The following SLC25A30 variants were observed in gnomAD, a reference collection of about 807,000 sequenced individuals.
SLC25A30 encodes the protein solute carrier family 25 member 30.
In SLC25A30, 29 loss-of-function variants were observed where a neutral mutation model predicts 42.7. The observed-to-expected ratio is 0.68, with a 90% CI of 0.51 to 0.93. The LOEUF (loss-of-function observed/expected upper bound fraction) is 0.93, where lower values mean the gene tolerates loss of function less well. SLC25A30 is among the 40% of genes least tolerant of loss of function. The pLI is 0.00. For synonymous variants in SLC25A30, 124 were observed against 131.0 expected (o/e 0.95, Z 0.37); for missense variants, 300 against 359.7 (o/e 0.83, Z 1.34).
intron 1 of SLC25A30, among the ~76,000 whole-genome samples, chr13:45,414,056 A>G (rs2137692121): frequency 6.6e-6 from 1 of 152,324 alleles, no homozygotes; most frequent in East Asian, 1.9e-4. Flanking sequence ...ATTCAGAAGT[A>G]CCACCAATAA....
At chr13:45,409,948 C>T (rs1882857337) in intron 2 of SLC25A30, among the ~76,000 whole-genome samples, 1 of 152,250 alleles carries the variant, frequency 6.6e-6, no homozygotes, top group East Asian at 1.9e-4. Context: ...CCCACCAGCA[C>T]AGAGAGCCTA....
At chr13:45,423,775 T>TAA in the SLC25A30 span, among the ~76,000 whole-genome samples, 456 of 58,530 alleles carry the variant, frequency 7.8e-3, 48 homozygotes, top group Non-Finnish European at 8.5e-3. Context: ...TAAAAATATA[T>TAA]AAATATATAA....
chr13:45,425,865 G>T, the SLC25A30 span, among the ~76,000 whole-genome samples: 3 of 146,002 alleles, frequency 2.1e-5, no homozygotes, highest in Admixed American at 2.1e-4. Context: ...GGTAATTTTT[G>T]TATTTTTAGT....
At chr13:45,424,907 T>TATATATTTAAATATATATAA in the SLC25A30 span, among the ~76,000 whole-genome samples, 12 of 60,122 alleles carry the variant, frequency 2.0e-4, no homozygotes, top group African/African-American at 8.3e-4. Flanking sequence ...TATATATAAA[T>TATATATTTAAATATATATAA]ATATATAAAT....
chr13:45,425,264 A>T, the SLC25A30 span, among the ~76,000 whole-genome samples: 1 of 105,488 alleles, frequency 9.5e-6, no homozygotes, highest in Non-Finnish European at 1.7e-5. Context: ...ATACGTATAT[A>T]TACGTATACA....
chr13:45,403,484 A>C (rs1369863777), intron 5 of SLC25A30, among the ~76,000 whole-genome samples: 1 of 152,218 alleles, frequency 6.6e-6, no homozygotes, highest in Non-Finnish European at 1.5e-5. Flanking sequence ...TTCAAAAAGT[A>C]AGTCATTCCT....
rs143559848 is a variant in SLC25A30 at position 45,397,307 on chromosome 13, T to C, written c.785A>G (p.Tyr262Cys). ...CAACCAATTTGGCCAAAAGCCTTTA[T>C]AGAGAGCAAAAAACCCTTCATTCTT... The part of the protein sequence containing the change: ...TWKNEGFFAL[Y>C]KGFWPNWLRL... The change falls in exon 9 of 10, where the codon TAT becomes TGT. Residue 262 changes from tyrosine (Y) to cysteine (C), a missense_variant. Coordinates refer to ENST00000519676, the MANE Select transcript of SLC25A30 (RefSeq NM_001010875.4). 8.1e-4 allele frequency: 1,313 copies of C among 1,612,814 alleles called. 8 individuals carry two copies. The African/African-American group carries it at 0.016, about 19-fold the overall frequency.
intron 2 of SLC25A30, 56 bp downstream of exon 2, chr13:45,411,306 C>A (rs1883001614): frequency 8.1e-7 from 1 of 1,236,510 alleles, no homozygotes; most frequent in African/African-American, 1.5e-5. Context: ...ACTACATTCA[C>A]ATCAAACACC....
intron 1 of SLC25A30, among the ~76,000 whole-genome samples, chr13:45,416,065 T>C (rs1417847444): frequency 1.3e-5 from 2 of 150,620 alleles, no homozygotes; most frequent in African/African-American, 4.9e-5. Context: ...CCCAAAGTGC[T>C]GGGATTATAG....
rs781018135 is a variant in SLC25A30 at position 45,401,056 on chromosome 13, A to G, written c.614+27T>C. 3.0e-5 allele frequency: 47 copies of G among 1,555,254 alleles called. No homozygotes were observed. The African/African-American group carries it at 5.7e-4, about 19-fold the overall frequency. The stretch of plus-strand genomic sequence containing the variant: ...ATAAACTTTCTTTAGAATTTCTATA[A>G]TTTTTTAAAAAAAGCCATGAACATA... On this transcript the variant is annotated intron_variant, in intron 7 of 9. Transcript: ENST00000519676.
chr13:45,416,733 T>C (rs1883571082), intron 1 of SLC25A30, among the ~76,000 whole-genome samples: 1 of 152,178 alleles, frequency 6.6e-6, no homozygotes, highest in Non-Finnish European at 1.5e-5. Flanking sequence ...ACCATGACAC[T>C]GCACTCTAGC....
upstream of SLC25A30, among the ~76,000 whole-genome samples, chr13:45,420,687 T>G (rs906884714): frequency 1.8e-4 from 27 of 151,928 alleles, no homozygotes; most frequent in Non-Finnish European, 7.4e-5. Context: ...CCTTTGTGGG[T>G]TTTTTTGTGC....
chr13:45,423,003 C>T (rs565934445), upstream of SLC25A30, among the ~76,000 whole-genome samples: 9 of 152,188 alleles, frequency 5.9e-5, no homozygotes, highest in East Asian at 1.5e-3. Context: ...GAACAGTTAC[C>T]GCACTTCAAA....
the SLC25A30 span, among the ~76,000 whole-genome samples, chr13:45,423,640 A>G: frequency 2.0e-5 from 2 of 99,036 alleles, 1 homozygote; most frequent in African/African-American, 8.8e-5. Context: ...AAATATATAT[A>G]AAATACATAT....
chr13:45,415,414 T>C (rs561397155), intron 1 of SLC25A30, among the ~76,000 whole-genome samples: 27 of 152,150 alleles, frequency 1.8e-4, no homozygotes, highest in African/African-American at 6.5e-4. Context: ...AGAATAAATA[T>C]AGAATTTTCC....
chr13:45,396,511 C>T (rs1385392417), intron 9 of SLC25A30: 9 of 255,594 alleles, frequency 3.5e-5, no homozygotes, highest in African/African-American at 1.4e-4. Context: ...CGGTGGCTCA[C>T]GCCTGTAATC....
the SLC25A30 span, among the ~76,000 whole-genome samples, chr13:45,426,929 G>T: frequency 6.6e-6 from 1 of 152,040 alleles, no homozygotes; most frequent in South Asian, 2.1e-4. Context: ...TTAATGGTTA[G>T]TACTAAAAAT....
chr13:45,407,273 C>T (rs2137665024), intron 3 of SLC25A30, among the ~76,000 whole-genome samples: 1 of 152,206 alleles, frequency 6.6e-6, no homozygotes, highest in African/African-American at 2.4e-5. Context: ...ATAGCTGGTG[C>T]CTGTAATCCC....
the SLC25A30 span, among the ~76,000 whole-genome samples, chr13:45,432,285 A>AT: frequency 6.6e-6 from 1 of 151,514 alleles, no homozygotes; most frequent in African/African-American, 2.4e-5. Context: ...AAAAAAAAAA[A>AT]CAGTGTTACT....
Sources: allele counts gnomAD v4.1 joint callset (sites outside exome capture counted in the v4.1 genomes callset), GRCh38; gene constraint gnomAD v4.1.1; transcripts MANE v1.5; gene names NCBI Gene and HGNC (gene_info 2026-07-23, HGNC 2026-07-21).